PLEKHA7: variants seen among roughly 807,000 people sequenced by gnomAD.
The protein encoded by PLEKHA7 is pleckstrin homology domain-containing family A member 7.
PLEKHA7 carries 104 observed loss-of-function variants against 170.0 expected under a neutral mutation model. The ratio of observed to expected loss-of-function variants is 0.61; its 90% CI spans 0.52 to 0.72. The LOEUF is 0.72. PLEKHA7 is among the 30% of genes least tolerant of loss of function. The probability of loss-of-function intolerance (pLI) is 0.00; values close to 1 mark genes in which losing one functional copy is unlikely to be tolerated. For missense variants in PLEKHA7, 1,615 were observed against 1,671.7 expected (o/e 0.97, Z 0.59); for synonymous variants, 648 against 660.8 (o/e 0.98, Z 0.30).
intron 3 of PLEKHA7, among the ~76,000 whole-genome samples, chr11:16,884,548 T>C (rs553069020): frequency 2.5e-4 from 38 of 152,168 alleles, no homozygotes; most frequent in Non-Finnish European, 3.4e-4. Context: ...GCCAGGAGAA[T>C]TGTTTGAACC....
intron 8 of PLEKHA7, among the ~76,000 whole-genome samples, chr11:16,847,746 G>A (rs1453437513): frequency 6.6e-6 from 1 of 151,038 alleles, no homozygotes. Context: ...GAAGGCTAAG[G>A]CAGAAGAACT....
In PLEKHA7 at chr11:16,860,515, G is replaced by A. The variant is rs1454775244; in HGVS notation, c.306-4601C>T. 2.0e-4 allele frequency among the ~76,000 whole-genome samples: 30 copies of A among 152,118 alleles called. 1 individual carries two copies. The highest frequency in any genetic ancestry group is 2.0e-3 in the Admixed American group (30 of 15,276). On this transcript the variant is annotated intron_variant, in intron 4 of 26. Coordinates refer to ENST00000531066, the MANE Select transcript of PLEKHA7 (RefSeq NM_001329630.2). ...AGGACAGGTACACAAAGTCAAGCAAGCAGAGGGATTAGGCTGTACTTGTTG... is the reference window on the plus strand; with the variant it reads ...AGGACAGGTACACAAAGTCAAGCAAACAGAGGGATTAGGCTGTACTTGTTG...
At position 16,848,666 on chromosome 11, in the gene PLEKHA7, T is replaced by C. The variant is rs183262801; in HGVS notation, c.696+2525A>G. On this transcript the variant is annotated intron_variant, in intron 8 of 26. Coordinates refer to ENST00000531066, the MANE Select transcript of PLEKHA7 (RefSeq NM_001329630.2). ...TACCTGCAACAACTGTAATGTGTTA[T>C]GAAGATATCTATGGTTTCTACTGGT... Among the ~76,000 whole-genome samples the C allele has an allele frequency of 2.7e-3, 414 of 152,358 alleles. 1 individual carries two copies. Among genetic ancestry groups the C allele is most frequent in the African/African-American group, 9.5e-3 (394 of 41,572 alleles).
At chr11:16,801,150 C>A in intron 16 of PLEKHA7, 75 bp from the exon 17 acceptor site, 1 of 1,279,184 alleles carries the variant, frequency 7.8e-7, no homozygotes, top group South Asian at 1.2e-5. Flanking sequence ...CACCTGTACT[C>A]CTGACCATGC....
intron 19 of PLEKHA7, among the ~76,000 whole-genome samples, chr11:16,792,423 T>C (rs917998516): frequency 6.6e-6 from 1 of 151,556 alleles, no homozygotes; most frequent in African/African-American, 2.4e-5. Flanking sequence ...ACAATGTATA[T>C]AAATCTCACA....
chr11:16,933,357 C>A (rs1209701028), intron 3 of PLEKHA7, among the ~76,000 whole-genome samples: 1 of 152,120 alleles, frequency 6.6e-6, no homozygotes, highest in Non-Finnish European at 1.5e-5. Flanking sequence ...TGGGGAAAAG[C>A]AGGGAGATGA....
In PLEKHA7 at chr11:16,782,807, T is replaced by C; in HGVS notation, c.3740A>G (p.Asn1247Ser). 1 of 1,536,150 alleles carries C rather than the reference T, an allele frequency of 6.5e-7. No individual in the cohort carries two copies. The highest frequency in any genetic ancestry group is 8.7e-7 in the Non-Finnish European group (1 of 1,146,910). ...LQLQEQERII[N>S]ISYALASEAS... Reference sequence around the variant, plus strand: ...CTCGGAGGCCAGGGCGTAGGAGATGTTGATGATGCGCTCCTGCTCCTGCAG... The same window carrying C: ...CTCGGAGGCCAGGGCGTAGGAGATGCTGATGATGCGCTCCTGCTCCTGCAG... Residue 1247 changes from asparagine to serine, a missense_variant, in exon 26 of 27, where the codon AAC (asparagine) becomes AGC (serine). Transcript: ENST00000531066.
chr11:16,825,317 C>T (rs1230992246), intron 10 of PLEKHA7, among the ~76,000 whole-genome samples: 1 of 152,232 alleles, frequency 6.6e-6, no homozygotes, highest in African/African-American at 2.4e-5. Flanking sequence ...TGTTATCAGG[C>T]CTGTGGCAGA....
intron 3 of PLEKHA7, among the ~76,000 whole-genome samples, chr11:16,894,552 G>A (rs1856878326): frequency 6.6e-6 from 1 of 152,244 alleles, no homozygotes; most frequent in Admixed American, 6.5e-5. Context: ...TCAGTGGAAA[G>A]AGTGTGGCTT....
intron 3 of PLEKHA7, among the ~76,000 whole-genome samples, chr11:16,927,542 C>A (rs1240438435): frequency 2.6e-5 from 4 of 151,980 alleles, no homozygotes; most frequent in Non-Finnish European, 5.9e-5. Context: ...GATAAATTGG[C>A]CAGACAATGA....
intron 3 of PLEKHA7, among the ~76,000 whole-genome samples, chr11:17,009,198 A>G (rs1419895629): frequency 6.6e-6 from 1 of 152,218 alleles, no homozygotes; most frequent in East Asian, 1.9e-4. Context: ...CCTATGTTCC[A>G]GTCCCAGCTC....
At chr11:16,989,115 G>A (rs1565184858) in intron 3 of PLEKHA7, among the ~76,000 whole-genome samples, 3 of 152,210 alleles carry the variant, frequency 2.0e-5, no homozygotes, top group Non-Finnish European at 4.4e-5. Context: ...ATCACCTCCT[G>A]TGTTCTGGGG....
intron 3 of PLEKHA7, among the ~76,000 whole-genome samples, chr11:16,876,047 G>A (rs1855268161): frequency 6.6e-6 from 1 of 151,868 alleles, no homozygotes; most frequent in Admixed American, 6.6e-5. Context: ...CCTATTAAAC[G>A]CTGGCTCCCC....
chr11:16,873,472 T>C (rs35677666), intron 3 of PLEKHA7, among the ~76,000 whole-genome samples: 7,667 of 152,166 alleles, frequency 0.05, 363 homozygotes, highest in African/African-American at 0.12. Context: ...AGCCTCTGAA[T>C]TCCCTGCTCC....
intron 9 of PLEKHA7, among the ~76,000 whole-genome samples, chr11:16,832,013 G>A (rs748547300): frequency 1.3e-5 from 2 of 152,200 alleles, no homozygotes; most frequent in Admixed American, 6.5e-5. Context: ...ATTGCTAGGC[G>A]GAGTCCTCCA....
At chr11:16,909,533 T>A (rs79910633) in intron 3 of PLEKHA7, among the ~76,000 whole-genome samples, 2,404 of 152,236 alleles carry the variant, frequency 0.016, 66 homozygotes, top group African/African-American at 0.054. Context: ...CACCACACTC[T>A]CCAAGGCAGC....
chr11:16,879,943 G>A (rs756692513), intron 3 of PLEKHA7, among the ~76,000 whole-genome samples: 1 of 152,220 alleles, frequency 6.6e-6, no homozygotes, highest in Non-Finnish European at 1.5e-5. Context: ...GGAGCCCCAT[G>A]ACTTGGGGTT....
chr11:16,956,335 T>C (rs1286807631), intron 3 of PLEKHA7, among the ~76,000 whole-genome samples: 2 of 152,192 alleles, frequency 1.3e-5, no homozygotes, highest in East Asian at 1.9e-4. Flanking sequence ...ACGTGTTGAA[T>C]ACTCATTCTG....
intron 4 of PLEKHA7, among the ~76,000 whole-genome samples, chr11:16,870,068 T>A (rs1332099262): frequency 6.6e-6 from 1 of 152,214 alleles, no homozygotes; most frequent in Non-Finnish European, 1.5e-5. Flanking sequence ...GCTGTACATG[T>A]ATTTTTATGT....
Sources: gnomAD v4.1 joint callset for allele counts (sites outside exome capture counted in the v4.1 genomes callset) on GRCh38, gnomAD v4.1.1 for gene constraint, MANE v1.5 for transcripts, NCBI Gene and HGNC (gene_info 2026-07-23, HGNC 2026-07-21) for gene names.